Variants in GPR158 observed in about 807,000 individuals in gnomAD.
GPR158 encodes the protein metabotropic glycine receptor.
A neutral mutation model predicts 78.2 loss-of-function variants in GPR158; 30 were observed. The ratio of observed to expected loss-of-function variants is 0.38; its 90% CI spans 0.29 to 0.52. The LOEUF is 0.52. Ranked by LOEUF, GPR158 falls within the 20% of genes least tolerant of loss-of-function variation. The probability of loss-of-function intolerance (pLI) is 0.83; values close to 1 mark genes in which losing one functional copy is unlikely to be tolerated. For synonymous variants in GPR158, 581 were observed against 591.1 expected, an observed-to-expected ratio of 0.98 and a Z score of 0.25; for missense variants, 1,463 against 1,523.5, an observed-to-expected ratio of 0.96 and a Z score of 0.66.
chr10:25,471,850 T>C (rs1224760382), intron 5 of GPR158, among the ~76,000 whole-genome samples: 1 of 152,238 alleles, frequency 6.6e-6, no homozygotes, highest in Non-Finnish European at 1.5e-5. Flanking sequence ...TCTTTGTAGA[T>C]TCTGGATATT....
intron 1 of GPR158, among the ~76,000 whole-genome samples, chr10:25,206,038 G>C (rs577157540): frequency 6.7e-5 from 10 of 149,318 alleles, no homozygotes; most frequent in African/African-American, 2.2e-4. Context: ...CCAGGCTGGA[G>C]TGCAGTGGCA....
chr10:25,582,398 G>A (rs1486850591), intron 7 of GPR158, among the ~76,000 whole-genome samples: 3 of 152,164 alleles, frequency 2.0e-5, no homozygotes, highest in African/African-American at 7.2e-5. Flanking sequence ...GTATATGCCA[G>A]AGAGAGAACA....
intron 5 of GPR158, among the ~76,000 whole-genome samples, chr10:25,481,326 C>T (rs541834938): frequency 1.3e-5 from 2 of 152,198 alleles, no homozygotes; most frequent in East Asian, 3.9e-4. Context: ...GCAGTTTCTG[C>T]ATTTATGCAG....
intron 1 of GPR158, among the ~76,000 whole-genome samples, chr10:25,216,866 C>T (rs1278872872): frequency 6.6e-6 from 1 of 152,070 alleles, no homozygotes; most frequent in Non-Finnish European, 1.5e-5. Context: ...AAATGTAGTT[C>T]TGAATTGTCT....
At chr10:25,320,345 G>A (rs1015842234) in intron 2 of GPR158, among the ~76,000 whole-genome samples, 1 of 152,138 alleles carries the variant, frequency 6.6e-6, no homozygotes, top group African/African-American at 2.4e-5. Flanking sequence ...TCTTTAAGTT[G>A]CATCTTATTC....
At chr10:25,409,365 A>C (rs1261882263) in intron 3 of GPR158, among the ~76,000 whole-genome samples, 1 of 152,046 alleles carries the variant, frequency 6.6e-6, no homozygotes, top group Non-Finnish European at 1.5e-5. Flanking sequence ...TAACTGGATT[A>C]TTTTTCTGCC....
intron 5 of GPR158, 138 bp from the exon 6 acceptor site, chr10:25,550,837 CA>C (rs1836716865): frequency 1.6e-6 from 1 of 611,652 alleles, no homozygotes; most frequent in South Asian, 2.0e-5. Context: ...AATAAATGGT[CA>C]AAATAGTATT....
intron 1 of GPR158, among the ~76,000 whole-genome samples, chr10:25,204,865 C>A (rs1389324328): frequency 3.9e-5 from 5 of 129,656 alleles, no homozygotes; most frequent in African/African-American, 1.6e-4. Flanking sequence ...GTGGTAATGT[C>A]CCTGATATGG....
chr10:25,360,567 G>A (rs575592972), intron 2 of GPR158, among the ~76,000 whole-genome samples: 4 of 152,198 alleles, frequency 2.6e-5, no homozygotes, highest in African/African-American at 9.6e-5. Context: ...TTGTAGATGT[G>A]TGGCATTATT....
intron 2 of GPR158, 58 bp downstream of exon 2, chr10:25,221,215 T>C: frequency 1.1e-6 from 1 of 898,550 alleles, no homozygotes; most frequent in Admixed American, 2.1e-5. Flanking sequence ...TTTGAATATG[T>C]TATATTTGTG....
At chr10:25,278,247 C>T (rs1213367037) in intron 2 of GPR158, among the ~76,000 whole-genome samples, 2 of 151,756 alleles carry the variant, frequency 1.3e-5, no homozygotes, top group Non-Finnish European at 2.9e-5. Flanking sequence ...TCAAATATGC[C>T]ATGCAGATTT....
At chr10:25,488,492 C>T (rs1045792493) in intron 5 of GPR158, among the ~76,000 whole-genome samples, 1 of 151,956 alleles carries the variant, frequency 6.6e-6, no homozygotes, top group Non-Finnish European at 1.5e-5. Context: ...TATATGTTAT[C>T]TTTGTGAAAC....
intron 4 of GPR158, among the ~76,000 whole-genome samples, chr10:25,422,551 A>G (rs1028104328): frequency 7.2e-5 from 11 of 151,846 alleles, no homozygotes. Flanking sequence ...CTGCTGCTTT[A>G]TATAACAAAA....
Position 25,598,986 on chromosome 10 carries a change from G to GCCC in GPR158, c.3364_3366dup (p.Pro1122dup). 6.2e-7 allele frequency: 1 copy of GCCC among 1,614,136 alleles called. No homozygotes were observed. Among genetic ancestry groups the GCCC allele is most frequent in the Non-Finnish European group, 8.5e-7 (1 of 1,180,020 alleles). ...TGTGTGCTGGGCAGAGCGAAGAACT[G>GCCC]CCCCCCAAAGCTGTAGCATCAAAAA... is the stretch of plus-strand genomic sequence containing the variant. On this transcript the variant is annotated inframe_insertion, in exon 11 of 11. Coordinates refer to ENST00000376351, the MANE Select transcript of GPR158 (RefSeq NM_020752.3).
At chr10:25,529,436 A>C (rs1017655582) in intron 5 of GPR158, among the ~76,000 whole-genome samples, 3 of 152,138 alleles carry the variant, frequency 2.0e-5, no homozygotes, top group African/African-American at 7.2e-5. Context: ...TAAAAGATAA[A>C]GTGAATAATT....
chr10:25,585,158 A>G (rs975109815), intron 7 of GPR158, among the ~76,000 whole-genome samples: 12 of 152,338 alleles, frequency 7.9e-5, no homozygotes, highest in South Asian at 4.1e-4. Context: ...TATGCAAGCA[A>G]ATAGAAACTA....
At chr10:25,382,267 G>C (rs1383931214) in intron 2 of GPR158, among the ~76,000 whole-genome samples, 2 of 152,206 alleles carry the variant, frequency 1.3e-5, no homozygotes, top group African/African-American at 4.8e-5. Context: ...TCCTGAGTCA[G>C]TCTCAGCCCC....
chr10:25,389,537 C>G (rs1430247282), intron 2 of GPR158, among the ~76,000 whole-genome samples: 1 of 152,150 alleles, frequency 6.6e-6, no homozygotes, highest in Admixed American at 6.5e-5. Flanking sequence ...CAATAAAACT[C>G]CTCTTTATCT....
chr10:25,523,156 T>C (rs1173059410), intron 5 of GPR158, among the ~76,000 whole-genome samples: 1 of 152,146 alleles, frequency 6.6e-6, no homozygotes, highest in Non-Finnish European at 1.5e-5. Context: ...GATGGCACCA[T>C]GCACAAGGGT....
Sources: allele counts gnomAD v4.1 joint callset (sites outside exome capture counted in the v4.1 genomes callset), GRCh38; gene constraint gnomAD v4.1.1; transcripts MANE v1.5; gene names NCBI Gene and HGNC (gene_info 2026-07-23, HGNC 2026-07-21).